The following UXS1 variants were observed in gnomAD, a reference collection of about 807,000 sequenced individuals.
The protein encoded by UXS1 is UDP-glucuronic acid decarboxylase 1.
A neutral mutation model predicts 62.6 loss-of-function variants in UXS1; 33 were observed. That is an observed-to-expected ratio of 0.53 (90% confidence interval 0.40 to 0.70). The LOEUF is 0.70. UXS1 is among the 30% of genes least tolerant of loss of function. The pLI is 0.00. For missense variants in UXS1, 434 were observed against 556.3 expected (o/e 0.78, Z 2.21); for synonymous variants, 213 against 206.8 (o/e 1.03, Z -0.26).
At position 106,094,220 on chromosome 2, in the gene UXS1, G is replaced by GGAAGTGCCACCTTGCAGGAAGGT; in HGVS notation, c.1147-64_1147-63insACCTTCCTGCAAGGTGGCACTTC. 3 of 1,603,874 alleles carry GGAAGTGCCACCTTGCAGGAAGGT rather than the reference G, an allele frequency of 1.9e-6. No individual in the cohort carries two copies. In the South Asian group the frequency reaches 3.4e-5, roughly 18 times the overall value. On this transcript the variant is annotated intron_variant, in intron 14 of 14. Transcript: ENST00000283148. ...CATTGACAGAAGGGCATCGCAGGAA[G>GGAAGTGCCACCTTGCAGGAAGGT]GAAGTGCCACCTTGCAGGAAGGAAG...
At chr2:106,168,955 T>C (rs914567724) in intron 1 of UXS1, among the ~76,000 whole-genome samples, 5 of 152,268 alleles carry the variant, frequency 3.3e-5, no homozygotes, top group Non-Finnish European at 4.4e-5. Context: ...TGTTTAATTT[T>C]CCTTGTGGTT....
chr2:106,151,576 T>C (rs1392809174), intron 5 of UXS1, among the ~76,000 whole-genome samples: 2 of 152,176 alleles, frequency 1.3e-5, no homozygotes, highest in Non-Finnish European at 2.9e-5. Flanking sequence ...CATAAGCCAA[T>C]ACCTTTCTAC....
At chr2:106,124,023 C>T (rs565457928) in intron 8 of UXS1, among the ~76,000 whole-genome samples, 5 of 152,320 alleles carry the variant, frequency 3.3e-5, no homozygotes, top group African/African-American at 9.6e-5. Context: ...GCACAGCCTC[C>T]GCAGCAATGC....
At chr2:106,099,166 T>G (rs1043313037) in intron 12 of UXS1, among the ~76,000 whole-genome samples, 5 of 152,198 alleles carry the variant, frequency 3.3e-5, no homozygotes, top group Admixed American at 2.0e-4. Flanking sequence ...GTGAGCTGTG[T>G]TAACCATGTC....
chr2:106,096,164 C>T (rs1206908594), intron 14 of UXS1, among the ~76,000 whole-genome samples: 1 of 151,660 alleles, frequency 6.6e-6, no homozygotes, highest in Admixed American at 6.6e-5. Context: ...GCGCCCTTGG[C>T]ACAGCGTTCA....
intron 12 of UXS1, among the ~76,000 whole-genome samples, chr2:106,100,017 G>C (rs552834346): frequency 1.3e-5 from 2 of 152,340 alleles, no homozygotes; most frequent in East Asian, 1.9e-4. Context: ...GACATGGTTT[G>C]CAAGAAATAG....
At chr2:106,158,232 T>C in intron 4 of UXS1, 114 bp from the exon 5 acceptor site, 1 of 895,324 alleles carries the variant, frequency 1.1e-6, no homozygotes, top group Non-Finnish European at 1.7e-6. Flanking sequence ...TTTGCTCTTC[T>C]CTCCACTCTT....
In UXS1 at chr2:106,186,958, TAGA is replaced by T. The variant is rs1684597170; in HGVS notation, c.94+7187_94+7189del. 2.6e-5 allele frequency among the ~76,000 whole-genome samples: 4 copies of T among 152,262 alleles called. No individual in the cohort carries two copies. In the South Asian group the frequency reaches 8.3e-4, roughly 32 times the overall value. ...GAGTGATAATGGTAATGAGATTATA[TAGA>T]AGAATACCTTTATTCTTAGGAGATA... is the stretch of plus-strand genomic sequence containing the variant. On this transcript the variant is annotated intron_variant, in intron 1 of 14. Coordinates refer to ENST00000283148, the MANE Select transcript of UXS1 (RefSeq NM_001253875.2).
chr2:106,141,612 C>A (rs1473177619), intron 6 of UXS1, among the ~76,000 whole-genome samples: 2 of 151,942 alleles, frequency 1.3e-5, no homozygotes, highest in African/African-American at 4.8e-5. Flanking sequence ...TGCATGCCAC[C>A]ATGCCTGGGT....
At chr2:106,139,873 C>T (rs1048239002) in intron 6 of UXS1, among the ~76,000 whole-genome samples, 1 of 152,162 alleles carries the variant, frequency 6.6e-6, no homozygotes, top group African/African-American at 2.4e-5. Context: ...TTAGCACATA[C>T]TAAATTCCCA....
chr2:106,150,956 T>C (rs529491013), intron 5 of UXS1, among the ~76,000 whole-genome samples: 1 of 152,332 alleles, frequency 6.6e-6, no homozygotes, highest in East Asian at 1.9e-4. Flanking sequence ...ATCTGGAGCA[T>C]TACGATTTGA....
chr2:106,119,101 A>T (rs898627415), intron 9 of UXS1, among the ~76,000 whole-genome samples: 1 of 152,218 alleles, frequency 6.6e-6, no homozygotes, highest in Admixed American at 6.5e-5. Flanking sequence ...TAAACTGACA[A>T]GGTCACAGTG....
intron 1 of UXS1, among the ~76,000 whole-genome samples, chr2:106,181,230 C>T (rs1457443667): frequency 7.2e-5 from 11 of 152,132 alleles, no homozygotes. Context: ...CTCAGCAGCC[C>T]TGTACTCTTC....
intron 6 of UXS1, among the ~76,000 whole-genome samples, chr2:106,136,902 T>TA (rs1323384502): frequency 2.6e-5 from 3 of 114,308 alleles, no homozygotes; most frequent in Non-Finnish European, 5.4e-5. Flanking sequence ...CCCTAAAACT[T>TA]AAAGTATAAT....
chr2:106,156,518 CAAA>C (rs1682437695), intron 5 of UXS1, among the ~76,000 whole-genome samples: 1 of 152,172 alleles, frequency 6.6e-6, no homozygotes, highest in African/African-American at 2.4e-5. Context: ...ACACATATAA[CAAA>C]CGTACAGTCA....
intron 5 of UXS1, among the ~76,000 whole-genome samples, chr2:106,146,048 C>T (rs186515264): frequency 6.6e-6 from 1 of 152,294 alleles, no homozygotes; most frequent in African/African-American, 2.4e-5. Flanking sequence ...TCAGTAATAA[C>T]AAAACCTAGA....
In UXS1 at chr2:106,149,360, AC is replaced by A. The variant is rs1432021826; in HGVS notation, c.292-3991del. 2.0e-5 allele frequency among the ~76,000 whole-genome samples: 3 copies of A among 152,248 alleles called. No homozygotes were observed. The East Asian group carries it at 5.8e-4, about 29-fold the overall frequency. On this transcript the variant is annotated intron_variant, in intron 5 of 14. Coordinates refer to ENST00000283148, the MANE Select transcript of UXS1 (RefSeq NM_001253875.2). ...TGCTTTTAACGTGTCCACCAAAAGC[AC>A]ATTTTGGTAATTTAATCCCCAGTGC...
intron 5 of UXS1, among the ~76,000 whole-genome samples, chr2:106,153,986 G>GA (rs2105026264): frequency 6.6e-6 from 1 of 152,278 alleles, no homozygotes; most frequent in South Asian, 2.1e-4. Flanking sequence ...CTAGGCTAAA[G>GA]AATCAGCAAA....
Position 106,093,532 on chromosome 2 carries a change from C to G in UXS1, c.*494G>C, listed in dbSNP as rs886811065. On this transcript the variant is annotated 3_prime_UTR_variant, in exon 15 of 15. Transcript: ENST00000283148. ...TCTGAATTAAAAGAGAAACATAAAGCTCTCACACAGAATTCTTTTATCTGC... is the reference window on the plus strand; with the variant it reads ...TCTGAATTAAAAGAGAAACATAAAGGTCTCACACAGAATTCTTTTATCTGC... The G allele has an allele frequency of 2.0e-5, 3 of 152,724 alleles. No individual in the cohort carries two copies. Among genetic ancestry groups the G allele is most frequent in the Admixed American group, 2.0e-4 (3 of 15,284 alleles). 9.5% of individuals were successfully genotyped at this position (152,724 alleles called of 1,614,324 possible).
Sources: gnomAD v4.1 joint callset for allele counts (sites outside exome capture counted in the v4.1 genomes callset) on GRCh38, gnomAD v4.1.1 for gene constraint, MANE v1.5 for transcripts, NCBI Gene and HGNC (gene_info 2026-07-23, HGNC 2026-07-21) for gene names.